TSPAN18: variants seen among roughly 807,000 people sequenced by gnomAD.
TSPAN18 encodes tetraspanin 18.
TSPAN18 carries 14 observed loss-of-function variants against 27.3 expected under a neutral mutation model. The ratio of observed to expected loss-of-function variants is 0.51; its 90% CI spans 0.34 to 0.80. TSPAN18 has a LOEUF of 0.80. Ranked by LOEUF, TSPAN18 falls within the 30% of genes least tolerant of loss-of-function variation. The pLI, the probability that TSPAN18 is intolerant of heterozygous loss-of-function variation, is 0.01. For synonymous variants in TSPAN18, 143 were observed against 136.5 expected (o/e 1.05, Z -0.33); for missense variants, 268 against 323.9 (o/e 0.83, Z 1.32).
At chr11:44,752,980 C>T in intron 1 of TSPAN18, among the ~76,000 whole-genome samples, 1 of 152,188 alleles carries the variant, frequency 6.6e-6, no homozygotes, top group East Asian at 1.9e-4. Flanking sequence ...CTAAACAGTA[C>T]TCCAATATGA....
chr11:44,881,289 T>C (rs1161041362), intron 3 of TSPAN18, among the ~76,000 whole-genome samples: 1 of 152,172 alleles, frequency 6.6e-6, no homozygotes, highest in East Asian at 1.9e-4. Flanking sequence ...AGTCCTGTCC[T>C]GGTGAGCCAG....
intron 3 of TSPAN18, among the ~76,000 whole-genome samples, chr11:44,893,463 TTA>T (rs1443432961): frequency 1.3e-5 from 2 of 152,196 alleles, no homozygotes; most frequent in African/African-American, 4.8e-5. Context: ...AATTGCTTGT[TTA>T]TGAGACCGTC....
intron 2 of TSPAN18, among the ~76,000 whole-genome samples, chr11:44,766,478 G>T (rs1215263812): frequency 3.3e-5 from 5 of 152,116 alleles, no homozygotes; most frequent in African/African-American, 1.2e-4. Flanking sequence ...TCTGGAGAAG[G>T]CGCTGAAGTG....
intron 1 of TSPAN18, among the ~76,000 whole-genome samples, chr11:44,728,103 A>G (rs1157194540): frequency 6.6e-6 from 1 of 152,212 alleles, no homozygotes; most frequent in Admixed American, 6.5e-5. Flanking sequence ...CAGGGACCAC[A>G]GACACCCAAC....
At chr11:44,824,233 C>A (rs1171968017) in intron 2 of TSPAN18, among the ~76,000 whole-genome samples, 2 of 152,204 alleles carry the variant, frequency 1.3e-5, no homozygotes, top group Non-Finnish European at 2.9e-5. Context: ...CCTGCCCTCA[C>A]CCCACACCCC....
intron 2 of TSPAN18, among the ~76,000 whole-genome samples, chr11:44,774,597 C>T (rs1400575566): frequency 6.6e-6 from 1 of 152,232 alleles, no homozygotes; most frequent in Non-Finnish European, 1.5e-5. Flanking sequence ...CCTCCCAGCT[C>T]TTGGCTTTTG....
At chr11:44,840,250 C>T (rs1857346858) in intron 2 of TSPAN18, among the ~76,000 whole-genome samples, 2 of 152,166 alleles carry the variant, frequency 1.3e-5, no homozygotes, top group African/African-American at 4.8e-5. Context: ...AGTGCCTGGC[C>T]TGTTTTCACC....
chr11:44,727,809 C>A (rs1243817092), intron 1 of TSPAN18, among the ~76,000 whole-genome samples: 1 of 152,126 alleles, frequency 6.6e-6, no homozygotes, highest in Non-Finnish European at 1.5e-5. Flanking sequence ...GGGGCGGAGG[C>A]GCCACTCGTT....
At chr11:44,927,490 C>G (rs1322861503) in intron 9 of TSPAN18, among the ~76,000 whole-genome samples, 1 of 152,210 alleles carries the variant, frequency 6.6e-6, no homozygotes, top group Non-Finnish European at 1.5e-5. Flanking sequence ...CTCCAGCAGC[C>G]TGGGCACCTG....
chr11:44,887,320 T>C (rs1024631608), intron 3 of TSPAN18, among the ~76,000 whole-genome samples: 10 of 152,204 alleles, frequency 6.6e-5, no homozygotes, highest in Non-Finnish European at 1.2e-4. Context: ...AATTAGAACA[T>C]GCAACGTCCT....
chr11:44,794,755 G>A (rs1856309913), intron 2 of TSPAN18, among the ~76,000 whole-genome samples: 1 of 152,058 alleles, frequency 6.6e-6, no homozygotes, highest in African/African-American at 2.4e-5. Flanking sequence ...TATTGGATAA[G>A]CTACTTAACC....
intron 5 of TSPAN18, among the ~76,000 whole-genome samples, chr11:44,911,912 G>A (rs996892164): frequency 4.8e-5 from 7 of 147,300 alleles, no homozygotes; most frequent in African/African-American, 1.8e-4. Context: ...AAGGCCTGAT[G>A]GCAGATCCTT....
chr11:44,746,772 T>G (rs1855086773), intron 1 of TSPAN18, among the ~76,000 whole-genome samples: 1 of 152,074 alleles, frequency 6.6e-6, no homozygotes, highest in Admixed American at 6.5e-5. Context: ...ATAATTATTT[T>G]GGGGTTAGGA....
intron 1 of TSPAN18, among the ~76,000 whole-genome samples, chr11:44,729,066 T>C (rs1854588500): frequency 6.6e-6 from 1 of 152,216 alleles, no homozygotes; most frequent in South Asian, 2.1e-4. Flanking sequence ...GTTCCTCTGT[T>C]CAATGTAGTC....
At chr11:44,905,251 C>T (rs531735953) in intron 3 of TSPAN18, among the ~76,000 whole-genome samples, 1 of 152,254 alleles carries the variant, frequency 6.6e-6, no homozygotes, top group African/African-American at 2.4e-5. Flanking sequence ...GAAGCGGGAG[C>T]TGCAGAAAGT....
intron 2 of TSPAN18, among the ~76,000 whole-genome samples, chr11:44,801,391 T>A (rs1303611929): frequency 6.6e-6 from 1 of 152,250 alleles, no homozygotes; most frequent in Non-Finnish European, 1.5e-5. Flanking sequence ...TGTCTGTCTC[T>A]GTCTCTGGAG....
chr11:44,843,869 T>C lies in TSPAN18; in HGVS notation c.-152-16459T>C, dbSNP rs180893355. On this transcript the variant is annotated intron_variant, in intron 2 of 9. Coordinates refer to ENST00000520358, the MANE Select transcript of TSPAN18 (RefSeq NM_130783.5). ...CCCTGAACAATTGCTGTTATCCTGT[T>C]CTTTTTTCAGGGTGCCCACGTTTCA... 3.9e-3 allele frequency among the ~76,000 whole-genome samples: 593 copies of C among 152,356 alleles called. 1 individual carries two copies. Among genetic ancestry groups the C allele is most frequent in the Admixed American group, 7.6e-3 (117 of 15,302 alleles).
rs1479038339 is a variant in TSPAN18 at position 44,891,090 on chromosome 11, G to C, written c.-10-15317G>C. Among the ~76,000 whole-genome samples the C allele has an allele frequency of 3.9e-5, 6 of 152,288 alleles. No individual in the cohort carries two copies. In the East Asian group the frequency reaches 1.2e-3, roughly 29 times the overall value. ...AGAGGCTGGGGTGGGAGGATTCCTT[G>C]AGTCCAGAAGTTGGAGGCTGCAGTG... On this transcript the variant is annotated intron_variant, in intron 3 of 9. Transcript: ENST00000520358.
chr11:44,891,895 A>T (rs192117677), intron 3 of TSPAN18, among the ~76,000 whole-genome samples: 1 of 152,352 alleles, frequency 6.6e-6, no homozygotes, highest in Admixed American at 6.5e-5. Flanking sequence ...GCACGAACGT[A>T]GGCAGGAGTG....
Sources: gnomAD v4.1 joint callset for allele counts (sites outside exome capture counted in the v4.1 genomes callset) on GRCh38, gnomAD v4.1.1 for gene constraint, MANE v1.5 for transcripts, NCBI Gene and HGNC (gene_info 2026-07-23, HGNC 2026-07-21) for gene names.